MICU3: variants seen among roughly 807,000 people sequenced by gnomAD.
MICU3 encodes the protein mitochondrial calcium uptake 3, also known as calcium uptake protein 3, mitochondrial.
In MICU3, 62 loss-of-function variants were observed where a neutral mutation model predicts 66.5. That is an observed-to-expected ratio of 0.93 (90% CI 0.76 to 1.15). The LOEUF (loss-of-function observed/expected upper bound fraction) is 1.15, where lower values mean the gene tolerates loss of function less well. Among genes scored for constraint, MICU3 ranks in the 50% most tolerant of loss-of-function variants. The probability of loss-of-function intolerance (pLI) is 0.00; values close to 1 mark genes in which losing one functional copy is unlikely to be tolerated. For synonymous variants in MICU3, 308 were observed against 240.7 expected, an observed-to-expected ratio of 1.28 and a Z score of -2.59; for missense variants, 779 against 664.4, an observed-to-expected ratio of 1.17 and a Z score of -1.90.
intron 2 of MICU3, among the ~76,000 whole-genome samples, chr8:17,065,669 G>C (rs1818567022): frequency 6.6e-6 from 1 of 152,160 alleles, no homozygotes; most frequent in African/African-American, 2.4e-5. Context: ...ATTCAAGTTA[G>C]ATAAGAACAG....
At chr8:17,125,254 A>G (rs1803376314), downstream of MICU3, among the ~76,000 whole-genome samples, 1 of 151,466 alleles carries the variant, frequency 6.6e-6, no homozygotes, top group Admixed American at 6.6e-5. Flanking sequence ...TTTTAATTTC[A>G]TCATATTCTT....
At chr8:17,040,002 T>A (rs1813782487) in intron 1 of MICU3, among the ~76,000 whole-genome samples, 1 of 134,178 alleles carries the variant, frequency 7.5e-6, no homozygotes, top group Non-Finnish European at 1.6e-5. Context: ...CCACCTCCCA[T>A]GTTCAAGTGA....
At chr8:17,049,573 C>G (rs747798780) in intron 1 of MICU3, 1 of 517,500 alleles carries the variant, frequency 1.9e-6, no homozygotes, top group South Asian at 1.4e-5. Context: ...GTTATTTTTC[C>G]CAAGGTAACC....
At chr8:17,092,531 A>C (rs1800183907) in intron 8 of MICU3, among the ~76,000 whole-genome samples, 1 of 151,984 alleles carries the variant, frequency 6.6e-6, no homozygotes, top group African/African-American at 2.4e-5. Flanking sequence ...GCTTTTTCTC[A>C]TGTAAAATGC....
rs772005237 is a variant in MICU3 at position 17,064,063 on chromosome 8, T to C, written c.382-21T>C. 10 of 1,599,162 alleles carry C rather than the reference T, an allele frequency of 6.3e-6. No homozygotes were observed. In the South Asian group the frequency reaches 1.1e-4, roughly 18 times the overall value. ...GGTATTACTTCACATCATCCAAATG[T>C]ATTTGCTTTCTTAACTTTAGGTTGC... On this transcript the variant is annotated intron_variant, in intron 1 of 14. Coordinates refer to ENST00000318063, the MANE Select transcript of MICU3 (RefSeq NM_181723.3).
intron 1 of MICU3, among the ~76,000 whole-genome samples, chr8:17,045,429 C>G (rs935700623): frequency 2.0e-5 from 3 of 152,154 alleles, no homozygotes; most frequent in Non-Finnish European, 4.4e-5. Flanking sequence ...GGGTTTAGAT[C>G]ATATCTTTTT....
intron 1 of MICU3, among the ~76,000 whole-genome samples, chr8:17,060,068 A>T (rs1817577104): frequency 6.6e-6 from 1 of 152,228 alleles, no homozygotes; most frequent in African/African-American, 2.4e-5. Flanking sequence ...GTCAAAACAT[A>T]TTCAAAAGAT....
intron 1 of MICU3, among the ~76,000 whole-genome samples, chr8:17,036,949 C>T (rs528209822): frequency 7.9e-5 from 12 of 152,336 alleles, no homozygotes; most frequent in South Asian, 6.2e-4. Context: ...CTGCAGGTCC[C>T]GAGTCCTGCC....
At position 17,081,147 on chromosome 8, in the gene MICU3, CAG is replaced by C. The variant is rs1004483236; in HGVS notation, c.647-545_647-544del. On this transcript the variant is annotated intron_variant, in intron 4 of 14. Coordinates refer to ENST00000318063, the MANE Select transcript of MICU3 (RefSeq NM_181723.3). ...CCATTTAATTACAATAAAAACTCCTCAGGGTACATTTAATAGAAGCATTGAAG... is the reference window on the plus strand; with the variant it reads ...CCATTTAATTACAATAAAAACTCCTCGGTACATTTAATAGAAGCATTGAAG... Among the ~76,000 whole-genome samples, 26 of 152,152 alleles carry C rather than the reference CAG, an allele frequency of 1.7e-4. 1 individual carries two copies. Among genetic ancestry groups the C allele is most frequent in the African/African-American group, 6.0e-4 (25 of 41,528 alleles).
At position 17,027,475 on chromosome 8, in the gene MICU3, G is replaced by A. The variant is rs905070817; in HGVS notation, c.196G>A (p.Glu66Lys). Residue 66 changes from glutamate to lysine, a missense_variant, in exon 1 of 15, where the codon GAG becomes AAG. Physicochemically the swap from Glu to Lys is moderately conservative, Grantham distance 56. Transcript: ENST00000318063. ...ATGGAGGCGGCGGCGGCGCTGGGGG[G>A]AGCTGAGCGTGGCGGCGGCGGCCGG... ...AAWRRRRRWG[E>K]LSVAAAAGGG... is the part of the protein sequence containing the mutation. 2.7e-5 allele frequency: 35 copies of A among 1,288,440 alleles called. No homozygotes were observed. The highest frequency in any genetic ancestry group is 3.2e-5 in the Non-Finnish European group (33 of 1,022,558). 79.8% of individuals were successfully genotyped at this position (1,288,440 alleles called of 1,614,324 possible).
In MICU3 at chr8:17,041,646, A is replaced by T. The variant is rs188820596; in HGVS notation, c.381+13986A>T. Among the ~76,000 whole-genome samples, 323 of 152,270 alleles carry T rather than the reference A, an allele frequency of 2.1e-3. 1 individual carries two copies. Among genetic ancestry groups the T allele is most frequent in the Non-Finnish European group, 3.5e-3 (241 of 68,010 alleles). Reference sequence around the variant, plus strand: ...CGATCGTGTTTAAATGCTGATGGAAAAAAGAAGATTAAATTTAAAGGAAAG... The same window carrying T: ...CGATCGTGTTTAAATGCTGATGGAATAAAGAAGATTAAATTTAAAGGAAAG... On this transcript the variant is annotated intron_variant, in intron 1 of 14. Coordinates refer to ENST00000318063, the MANE Select transcript of MICU3 (RefSeq NM_181723.3).
At chr8:17,065,426 T>C (rs994942506) in intron 2 of MICU3, among the ~76,000 whole-genome samples, 2 of 152,170 alleles carry the variant, frequency 1.3e-5, no homozygotes, top group African/African-American at 2.4e-5. Context: ...TCATAGAATG[T>C]GTATGAATGA....
chr8:17,033,211 T>C (rs1812389438), intron 1 of MICU3, among the ~76,000 whole-genome samples: 2 of 152,190 alleles, frequency 1.3e-5, no homozygotes, highest in Non-Finnish European at 2.9e-5. Flanking sequence ...GTTGAAATAC[T>C]ACATAAGCCA....
At chr8:17,058,073 C>T (rs573832320) in intron 1 of MICU3, among the ~76,000 whole-genome samples, 8 of 152,266 alleles carry the variant, frequency 5.3e-5, no homozygotes, top group African/African-American at 1.9e-4. Context: ...TGGTCTCGAA[C>T]TCCTGACCGC....
intron 1 of MICU3, among the ~76,000 whole-genome samples, chr8:17,028,739 T>C (rs1285055229): frequency 2.0e-5 from 3 of 152,058 alleles, no homozygotes; most frequent in Non-Finnish European, 4.4e-5. Flanking sequence ...ATAAAGTCCT[T>C]TTACACATGA....
At chr8:17,048,525 T>G (rs1159989151) in intron 1 of MICU3, among the ~76,000 whole-genome samples, 2 of 152,184 alleles carry the variant, frequency 1.3e-5, no homozygotes, top group Non-Finnish European at 2.9e-5. Context: ...TTACCTCCCC[T>G]TGGGTCCCTC....
chr8:17,081,588 A>C, intron 4 of MICU3, 105 bp from the exon 5 acceptor site: 1 of 345,178 alleles, frequency 2.9e-6, no homozygotes, highest in East Asian at 5.5e-5. Flanking sequence ...TTGTCATTTA[A>C]AATAATATCT....
intron 1 of MICU3, 30 bp downstream of exon 1, chr8:17,027,690 G>T (rs1563253271): frequency 6.3e-6 from 8 of 1,267,660 alleles, no homozygotes; most frequent in Non-Finnish European, 6.9e-6. Flanking sequence ...TCACACCTGC[G>T]CGGGGGATGT....
At chr8:17,104,713 C>CT (rs1801584291) in intron 10 of MICU3, among the ~76,000 whole-genome samples, 12,463 of 118,824 alleles carry the variant, frequency 0.1, 3,959 homozygotes, top group African/African-American at 0.22. Context: ...TTCCAGATAT[C>CT]GGCCGGGCGC....
Sources: allele counts gnomAD v4.1 joint callset (sites outside exome capture counted in the v4.1 genomes callset), GRCh38; gene constraint gnomAD v4.1.1; transcripts MANE v1.5; gene names NCBI Gene and HGNC (gene_info 2026-07-23, HGNC 2026-07-21).